Variants in KCTD19 observed in about 807,000 individuals in gnomAD.
The protein encoded by KCTD19 is potassium channel tetramerization domain containing 19, also known as BTB/POZ domain-containing protein KCTD19.
Under a neutral mutation model 103.5 loss-of-function variants are expected in KCTD19, and 67 were observed. That is an observed-to-expected ratio of 0.65 (90% CI 0.53 to 0.79). KCTD19 has a LOEUF of 0.79. Ranked by LOEUF, KCTD19 falls within the 30% of genes least tolerant of loss-of-function variation. The pLI, the probability that KCTD19 is intolerant of heterozygous loss-of-function variation, is 0.00. For synonymous variants in KCTD19, 439 were observed against 452.2 expected (o/e 0.97, Z 0.37); for missense variants, 980 against 1,136.1 (o/e 0.86, Z 1.98).
At chr16:67,318,289 C>T (rs774199567) in intron 2 of KCTD19, among the ~76,000 whole-genome samples, 7 of 152,080 alleles carry the variant, frequency 4.6e-5, no homozygotes, top group Non-Finnish European at 1.0e-4. Context: ...TGGCTGGGCG[C>T]GGTGGCTCAT....
chr16:67,298,503 C>G (rs903042647), intron 6 of KCTD19, among the ~76,000 whole-genome samples: 1 of 152,174 alleles, frequency 6.6e-6, no homozygotes, highest in South Asian at 2.1e-4. Flanking sequence ...CAAGACATCT[C>G]AGTCACTGTG....
intron 2 of KCTD19, among the ~76,000 whole-genome samples, chr16:67,308,892 G>A (rs1305304105): frequency 6.6e-6 from 1 of 152,080 alleles, no homozygotes; most frequent in African/African-American, 2.4e-5. Flanking sequence ...CAGCACTTTG[G>A]GAGGCCGAGC....
chr16:67,294,224 G>A (rs541401542), intron 11 of KCTD19, 53 bp from the exon 12 acceptor site: 34 of 1,526,118 alleles, frequency 2.2e-5, no homozygotes, highest in African/African-American at 5.5e-5. Context: ...GGACATCAAC[G>A]CCTTGCCCAA....
chr16:67,319,688 T>TATAATA (rs34930442), intron 2 of KCTD19, among the ~76,000 whole-genome samples: 20,983 of 148,196 alleles, frequency 0.14, 3,434 homozygotes, highest in African/African-American at 0.4. Context: ...TTAAAGCTCT[T>TATAATA]ATAATAATAA....
intron 1 of KCTD19, among the ~76,000 whole-genome samples, chr16:67,322,202 A>G (rs1256603150): frequency 3.9e-5 from 6 of 152,202 alleles, no homozygotes; most frequent in Non-Finnish European, 7.3e-5. Context: ...CCATATGCAT[A>G]AAAGATAATA....
intron 14 of KCTD19, 69 bp from the exon 15 acceptor site, chr16:67,291,055 G>T: frequency 1.3e-6 from 2 of 1,519,682 alleles, no homozygotes; most frequent in East Asian, 2.3e-5. Context: ...GATGCAGAGC[G>T]GGGACTTCTC....
intron 4 of KCTD19, 36 bp from the exon 5 acceptor site, chr16:67,301,958 G>A (rs2036839343): frequency 1.2e-6 from 2 of 1,610,108 alleles, no homozygotes; most frequent in Non-Finnish European, 1.7e-6. Context: ...GAGTTAATGA[G>A]GCTATTTCTG....
intron 6 of KCTD19, 142 bp downstream of exon 6, chr16:67,299,221 G>C: frequency 1.3e-6 from 1 of 749,046 alleles, no homozygotes; most frequent in Non-Finnish European, 2.3e-6. Context: ...TGGCGGTGCT[G>C]GTGATGGTAA....
chr16:67,321,018 C>T (rs1448772103), intron 1 of KCTD19, 133 bp from the exon 2 acceptor site: 2 of 824,176 alleles, frequency 2.4e-6, no homozygotes, highest in Non-Finnish European at 3.7e-6. Flanking sequence ...AAGGAATTCA[C>T]CAGAAAACTA....
At chr16:67,316,705 T>G (rs2037016751) in intron 2 of KCTD19, among the ~76,000 whole-genome samples, 1 of 152,194 alleles carries the variant, frequency 6.6e-6, no homozygotes, top group Admixed American at 6.5e-5. Context: ...TACCTGACAT[T>G]GTATAGCTAC....
At chr16:67,304,598 TG>T in intron 2 of KCTD19, 27 bp from the exon 3 acceptor site, 1 of 1,599,196 alleles carries the variant, frequency 6.3e-7, no homozygotes, top group African/African-American at 1.3e-5. Flanking sequence ...AGTACTATCT[TG>T]AGAATCTAAA....
rs1028363085 is a variant in KCTD19 at position 67,300,313 on chromosome 16, T to G, written c.776-740A>C. Reference sequence around the variant, plus strand: ...AGTATCTTGCCCTAAACTGCAAAGCTAGGCAGGGGCAGGGCTAGGATTTGA... The same window carrying G: ...AGTATCTTGCCCTAAACTGCAAAGCGAGGCAGGGGCAGGGCTAGGATTTGA... On this transcript the variant is annotated intron_variant, in intron 5 of 15. Coordinates refer to ENST00000304372, the MANE Select transcript of KCTD19 (RefSeq NM_001100915.3). The surrounding 1 kb of genome is among the most constrained non-coding windows in gnomAD (Gnocchi z 4.5). 2.0e-5 allele frequency: 3 copies of G among 152,276 alleles called. No individual in the cohort carries two copies. The highest frequency in any genetic ancestry group is 4.4e-5 in the Non-Finnish European group (3 of 68,074). 9.4% of individuals were successfully genotyped at this position (152,276 alleles called of 1,614,324 possible). A position where few individuals can be genotyped will look rare whatever the true frequency, so the allele number is the denominator to read the frequency against.
At chr16:67,295,808 G>A (rs1357606993) in intron 8 of KCTD19, 4 of 342,372 alleles carry the variant, frequency 1.2e-5, no homozygotes, top group African/African-American at 2.1e-5. Flanking sequence ...GCAGTGGCGC[G>A]ATCTCAGCTC....
chr16:67,290,363 A>G (rs1202155123), intron 15 of KCTD19, among the ~76,000 whole-genome samples: 1 of 149,880 alleles, frequency 6.7e-6, no homozygotes, highest in Non-Finnish European at 1.5e-5. Flanking sequence ...TGTTTTCAGT[A>G]GAGACGGGGT....
chr16:67,308,376 G>T (rs142151476), intron 2 of KCTD19, among the ~76,000 whole-genome samples: 1 of 151,788 alleles, frequency 6.6e-6, no homozygotes, highest in South Asian at 2.1e-4. Flanking sequence ...TGTGGCCCAG[G>T]CTGGTCTCAA....
chr16:67,305,541 C>T (rs907869965), intron 2 of KCTD19: 2 of 449,828 alleles, frequency 4.4e-6, no homozygotes, highest in Admixed American at 4.8e-5. Flanking sequence ...AGCACCCCAA[C>T]TAGGCAAGCC....
chr16:67,303,350 A>T lies in KCTD19; in HGVS notation c.452-13T>A. ...TTATCATGTAGGCCTGGAAGAGAACATGCAGGCAGTGTTGCCACCTCTCAG... is the reference window on the plus strand; with the variant it reads ...TTATCATGTAGGCCTGGAAGAGAACTTGCAGGCAGTGTTGCCACCTCTCAG... On this transcript the variant is annotated splice_polypyrimidine_tract_variant and intron_variant, in intron 3 of 15. Transcript: ENST00000304372. This position sits in a 1 kb window ranked among gnomAD's most constrained non-coding sequence, Gnocchi z 4.3. The T allele has an allele frequency of 6.3e-7, 1 of 1,598,400 alleles. No individual in the cohort carries two copies. The highest frequency in any genetic ancestry group is 8.5e-7 in the Non-Finnish European group (1 of 1,170,380).
chr16:67,314,051 C>G (rs986662503), intron 2 of KCTD19, among the ~76,000 whole-genome samples: 39 of 151,922 alleles, frequency 2.6e-4, no homozygotes, highest in African/African-American at 9.4e-4. Flanking sequence ...GAGATGATGT[C>G]TCATTATGTT....
intron 7 of KCTD19, 101 bp from the exon 8 acceptor site, chr16:67,296,360 C>T (rs879080537): frequency 2.6e-6 from 2 of 758,436 alleles, no homozygotes; most frequent in Non-Finnish European, 4.8e-6. Flanking sequence ...GTCTCAATAT[C>T]TTTCCTCAGT....
Sources: gnomAD v4.1 joint callset for allele counts (sites outside exome capture counted in the v4.1 genomes callset) on GRCh38, gnomAD v4.1.1 for gene constraint, Gnocchi (gnomAD v3.1) non-coding constraint, MANE v1.5 for transcripts, NCBI Gene and HGNC (gene_info 2026-07-23, HGNC 2026-07-21) for gene names.